The following ZC3H12B variants were observed in gnomAD, a reference collection of about 807,000 sequenced individuals.
The protein encoded by ZC3H12B is probable ribonuclease ZC3H12B.
ZC3H12B carries 7 observed loss-of-function variants against 43.9 expected under a neutral mutation model. That is an observed-to-expected ratio of 0.16 (90% CI 0.09 to 0.30). The LOEUF is 0.30. ZC3H12B is among the 10% of genes least tolerant of loss of function. The pLI, the probability that ZC3H12B is intolerant of heterozygous loss-of-function variation, is 1.00. For missense variants in ZC3H12B, 475 were observed against 670.2 expected, an observed-to-expected ratio of 0.71 and a Z score of 3.22; for synonymous variants, 222 against 241.7, an observed-to-expected ratio of 0.92 and a Z score of 0.76.
chrX:65,195,603 A>C, the ZC3H12B span, among the ~76,000 whole-genome samples: 1 of 112,347 alleles, frequency 8.9e-6, no homozygotes. Flanking sequence ...GGTGGAAAAA[A>C]TATTAAAGAT....
the ZC3H12B span, among the ~76,000 whole-genome samples, chrX:65,088,188 A>G: frequency 3.6e-5 from 4 of 111,866 alleles, no homozygotes; most frequent in African/African-American, 1.3e-4. Context: ...CTTTCAAGTT[A>G]CTGCTGAATC....
At chrX:65,202,940 G>C in the ZC3H12B span, among the ~76,000 whole-genome samples, 1 of 111,405 alleles carries the variant, frequency 9.0e-6, no homozygotes, top group Non-Finnish European at 1.9e-5. Flanking sequence ...TACTGTGGCT[G>C]AGCAGGCACC....
the ZC3H12B span, among the ~76,000 whole-genome samples, chrX:65,085,188 A>G: frequency 9.0e-6 from 1 of 111,393 alleles, no homozygotes; most frequent in Non-Finnish European, 1.9e-5. Context: ...AATAAGACCT[A>G]CTATTTGCTA....
At chrX:65,411,415 C>T (rs2066901634) in intron 3 of ZC3H12B, among the ~76,000 whole-genome samples, 1 of 111,666 alleles carries the variant, frequency 9.0e-6, no homozygotes, top group Admixed American at 9.5e-5. Context: ...CTTAATCATA[C>T]ATTTTTAAAT....
At chrX:65,117,837 G>C in the ZC3H12B span, among the ~76,000 whole-genome samples, 2 of 111,741 alleles carry the variant, frequency 1.8e-5, no homozygotes, top group Non-Finnish European at 3.8e-5. Flanking sequence ...CCCATTGCTT[G>C]TTTTTCTCAG....
the ZC3H12B span, among the ~76,000 whole-genome samples, chrX:65,216,990 G>A: frequency 8.1e-5 from 9 of 111,555 alleles, no homozygotes; most frequent in Non-Finnish European, 1.7e-4. Flanking sequence ...TGCCCCTACT[G>A]GGCTGGTCCA....
chrX:65,434,581 C>A (rs1016830827), intron 3 of ZC3H12B, among the ~76,000 whole-genome samples: 2 of 112,259 alleles, frequency 1.8e-5, no homozygotes, highest in African/African-American at 3.2e-5. Context: ...CATCATTATC[C>A]CATACACTTA....
upstream of ZC3H12B, among the ~76,000 whole-genome samples, chrX:65,365,603 C>T (rs1228095655): frequency 1.8e-5 from 2 of 110,962 alleles, no homozygotes; most frequent in East Asian, 2.8e-4. Flanking sequence ...AAATTTTTGC[C>T]ACCCCAACAC....
chrX:65,500,743 G>GTT (rs144534250), intron 4 of ZC3H12B, among the ~76,000 whole-genome samples: 2 of 100,975 alleles, frequency 2.0e-5, no homozygotes, highest in Non-Finnish European at 4.1e-5. Flanking sequence ...TCCAGTTTTT[G>GTT]TTTTTTTTTT....
At chrX:65,503,578 CAG>C (rs1224856725) in exon 5 of ZC3H12B, 5 of 130,127 alleles carry the variant, frequency 3.8e-5, no homozygotes, top group Non-Finnish European at 7.5e-5. Flanking sequence ...ATTCCATTAC[CAG>C]AGTTTTCCTT....
At chrX:65,298,446 A>G in the ZC3H12B span, among the ~76,000 whole-genome samples, 2 of 112,353 alleles carry the variant, frequency 1.8e-5, no homozygotes, top group Non-Finnish European at 3.8e-5. Context: ...ATACAACAAT[A>G]AAGATCTAAA....
intron 3 of ZC3H12B, among the ~76,000 whole-genome samples, chrX:65,480,019 T>C (rs1376772978): frequency 1.8e-5 from 2 of 112,770 alleles, no homozygotes; most frequent in African/African-American, 3.2e-5. Flanking sequence ...CTGCCATAGC[T>C]GAAGTATGAA....
At chrX:65,101,475 CAAAA>C in the ZC3H12B span, among the ~76,000 whole-genome samples, 77 of 111,067 alleles carry the variant, frequency 6.9e-4, no homozygotes, top group Non-Finnish European at 1.2e-3. Flanking sequence ...AAAAGATTAA[CAAAA>C]TAAATAAACC....
chrX:65,419,085 T>C (rs2066990463), intron 3 of ZC3H12B, among the ~76,000 whole-genome samples: 1 of 111,032 alleles, frequency 9.0e-6, no homozygotes, highest in African/African-American at 3.3e-5. Context: ...CTCAGGTTCA[T>C]CTCTTGGTGG....
chrX:65,395,512 T>A lies in ZC3H12B; in HGVS notation n.296-3081T>A, dbSNP rs756294824. 4.4e-5 allele frequency among the ~76,000 whole-genome samples: 5 copies of A among 112,700 alleles called. No individual in the cohort carries two copies. In the South Asian group the frequency reaches 1.5e-3, roughly 33 times the overall value. ...TTGTTTATGTGATGGAGTACATTTA[T>A]TGATTTGCATATGTTGGACTAGCCT... On this transcript the variant is annotated intron_variant and non_coding_transcript_variant, in intron 2 of 5. Transcript: ENST00000617377.
At chrX:65,387,741 G>A (rs1393762655) in intron 2 of ZC3H12B, among the ~76,000 whole-genome samples, 1 of 112,599 alleles carries the variant, frequency 8.9e-6, no homozygotes, top group Non-Finnish European at 1.9e-5. Flanking sequence ...AGCCTGGATG[G>A]TCTTTACAAT....
At chrX:65,384,680 G>A (rs2066496722) in intron 2 of ZC3H12B, among the ~76,000 whole-genome samples, 1 of 111,333 alleles carries the variant, frequency 9.0e-6, no homozygotes, top group South Asian at 3.8e-4. Flanking sequence ...AACATCAAAT[G>A]TAAATGGACT....
chrX:65,072,912 T>C, the ZC3H12B span, among the ~76,000 whole-genome samples: 1 of 112,522 alleles, frequency 8.9e-6, no homozygotes, highest in Non-Finnish European at 1.9e-5. Context: ...AGTGTTGGTG[T>C]CAGCACACAG....
At chrX:65,178,118 A>C in the ZC3H12B span, among the ~76,000 whole-genome samples, 1 of 112,040 alleles carries the variant, frequency 8.9e-6, no homozygotes, top group South Asian at 3.7e-4. Context: ...ACACATCTAC[A>C]ACCATCTGAT....
Sources: allele counts gnomAD v4.1 joint callset (sites outside exome capture counted in the v4.1 genomes callset), GRCh38; gene constraint gnomAD v4.1.1; transcripts MANE v1.5; gene names NCBI Gene and HGNC (gene_info 2026-07-23, HGNC 2026-07-21).